CACNA1H: variants seen among roughly 807,000 people sequenced by gnomAD.
The protein encoded by CACNA1H is calcium voltage-gated channel subunit alpha1 H.
Under a neutral mutation model 192.5 loss-of-function variants are expected in CACNA1H, and 149 were observed. The observed-to-expected ratio is 0.77, with a 90% confidence interval of 0.68 to 0.89. The LOEUF is 0.89. Among genes scored for constraint, CACNA1H ranks in the 40% least tolerant of loss-of-function variants. The pLI is 0.00. For missense variants in CACNA1H, 4,257 were observed against 3,423.5 expected (o/e 1.24, Z -6.08); for synonymous variants, 2,202 against 1,475.2 (o/e 1.49, Z -11.29).
At position 1,207,383 on chromosome 16, in the gene CACNA1H, C is replaced by G. The variant is rs1242224134; in HGVS notation, c.3016C>G (p.Leu1006Val). The change falls in exon 14 of 35, where the codon CTC (leucine) becomes GTC (valine). Residue 1006 changes from leucine (L) to valine (V), a missense_variant. Leu to Val is a conservative substitution (Grantham distance 32, BLOSUM62 1). Transcript: ENST00000348261. The part of the protein sequence containing the change: ...VALMTFGNYV[L>V]FNLLVAILVE... Reference sequence around the variant, plus strand: ...CCTCATGACCTTCGGCAACTATGTGCTCTTCAACCTGCTGGTGGCCATCCT... The same window carrying G: ...CCTCATGACCTTCGGCAACTATGTGGTCTTCAACCTGCTGGTGGCCATCCT... 1 of 1,613,328 alleles carries G rather than the reference C, an allele frequency of 6.2e-7. No homozygotes were observed. The highest frequency in any genetic ancestry group is 1.1e-5 in the South Asian group (1 of 91,066).
intron 5 of CACNA1H, among the ~76,000 whole-genome samples, chr16:1,198,040 C>G (rs150206366): frequency 3.9e-5 from 6 of 152,170 alleles, no homozygotes; most frequent in Non-Finnish European, 1.5e-5. Context: ...GGGCTCTGTT[C>G]TGGCAGGATT....
At chr16:1,219,252 T>A (rs1459297929) in intron 34 of CACNA1H, 122 bp downstream of exon 34, 4 of 983,458 alleles carry the variant, frequency 4.1e-6, no homozygotes, top group Non-Finnish European at 5.8e-6. Context: ...CACTGGGTCC[T>A]TGGGGCTCCG....
At chr16:1,206,019 TG>T (rs1968662286) in intron 11 of CACNA1H, 84 bp from the exon 12 acceptor site, 3 of 1,348,324 alleles carry the variant, frequency 2.2e-6, no homozygotes, top group Admixed American at 4.6e-5. Context: ...TGTGGCTCCC[TG>T]GCTGGTGACC....
In CACNA1H at chr16:1,206,994, C is replaced by T. The variant is rs749171755; in HGVS notation, c.2790-7C>T. On this transcript the variant is annotated splice_region_variant and splice_polypyrimidine_tract_variant and intron_variant, in intron 12 of 34. Transcript: ENST00000348261. ...CACCCTCAACACGCCCCTGCCCCCA[C>T]CCTCAGCATCCTGGGCATGCACCTT... is the stretch of plus-strand genomic sequence containing the variant. The T allele has an allele frequency of 5.7e-6, 9 of 1,572,478 alleles. No individual in the cohort carries two copies. The Middle Eastern group carries it at 5.0e-4, about 87-fold the overall frequency.
chr16:1,206,884 A>G (rs1016945709), intron 12 of CACNA1H, 117 bp from the exon 13 acceptor site: 16 of 600,168 alleles, frequency 2.7e-5, no homozygotes, highest in Non-Finnish European at 1.8e-5. Flanking sequence ...AGGAGAGCCA[A>G]GACGGGCAGA....
At chr16:1,161,405 G>A (rs968531321) in intron 2 of CACNA1H, among the ~76,000 whole-genome samples, 2 of 152,198 alleles carry the variant, frequency 1.3e-5, no homozygotes, top group African/African-American at 4.8e-5. Flanking sequence ...CCCCCTGGCC[G>A]GAGGTGGTTG....
Position 1,209,602 on chromosome 16 carries a change from C to A in CACNA1H, c.3744+190C>A, listed in dbSNP as rs8050803. ...ATTCAGCCACAGATGATCCCAGAGT[C>A]CCCCCTCTGCCGTCTAGGGGCTGTG... On this transcript the variant is annotated intron_variant, in intron 17 of 34. Coordinates refer to ENST00000348261, the MANE Select transcript of CACNA1H (RefSeq NM_021098.3). 1,184 of 690,592 alleles carry A rather than the reference C, an allele frequency of 1.7e-3. 14 individuals are homozygous for A. In the African/African-American group the frequency reaches 0.02, roughly 11 times the overall value. 42.8% of individuals were successfully genotyped at this position (690,592 alleles called of 1,614,324 possible).
chr16:1,177,270 C>G (rs776694545), intron 2 of CACNA1H, among the ~76,000 whole-genome samples: 1 of 152,234 alleles, frequency 6.6e-6, no homozygotes, highest in Non-Finnish European at 1.5e-5. Context: ...CCGATCCCCT[C>G]CAGGGCCGGG....
At chr16:1,213,655 C>G (rs1293471405) in intron 26 of CACNA1H, 125 bp from the exon 27 acceptor site, 1 of 638,254 alleles carries the variant, frequency 1.6e-6, no homozygotes, top group Non-Finnish European at 2.6e-6. Flanking sequence ...GCCCCATCTT[C>G]ACATGAGCCG....
rs1185772497 is a variant in CACNA1H at position 1,180,148 on chromosome 16, C to G, written c.300-14824C>G. Among the ~76,000 whole-genome samples the G allele has an allele frequency of 2.0e-5, 3 of 151,956 alleles. No individual in the cohort carries two copies. The highest frequency in any genetic ancestry group is 7.3e-5 in the African/African-American group (3 of 41,360). On this transcript the variant is annotated intron_variant, in intron 2 of 34. Coordinates refer to ENST00000348261, the MANE Select transcript of CACNA1H (RefSeq NM_021098.3). The surrounding 1 kb of genome is among the most constrained non-coding windows in gnomAD (Gnocchi z 4.4). ...ATGGACGGCCAGCCCGTTGGGTGCC[C>G]TGGCTGGGTCCCTGTCCCTGCACAC...
At chr16:1,164,787 T>C (rs1963588700) in intron 2 of CACNA1H, among the ~76,000 whole-genome samples, 1 of 152,088 alleles carries the variant, frequency 6.6e-6, no homozygotes, top group East Asian at 1.9e-4. Flanking sequence ...CTGCCCTCAC[T>C]GGCCGGGCTC....
chr16:1,201,795 A>G lies in CACNA1H; in HGVS notation c.1345A>G (p.Ser449Gly). The G allele has an allele frequency of 6.3e-7, 1 of 1,594,532 alleles. No homozygotes were observed. The highest frequency in any genetic ancestry group is 8.5e-7 in the Non-Finnish European group (1 of 1,171,688). Residue 449 changes from serine to glycine, a missense_variant, in exon 9 of 35, where the codon AGC becomes GGC. By Grantham distance (56) the Ser-to-Gly change is moderately conservative. Transcript: ENST00000348261. ...CCTGTCCAACGACAGCACGCTGGCC[A>G]GCTTCTCCGAGCCTGGCAGCTGCTA... ...RHLSNDSTLA[S>G]FSEPGSCYEE...
chr16:1,216,037 A>G (rs1245501550), intron 30 of CACNA1H, among the ~76,000 whole-genome samples: 2 of 152,012 alleles, frequency 1.3e-5, no homozygotes, highest in Non-Finnish European at 2.9e-5. Context: ...TCTGTCCTCC[A>G]AGGCCAAGAG....
chr16:1,210,269 G>A (rs547195635), intron 18 of CACNA1H, 101 bp from the exon 19 acceptor site: 85 of 1,256,626 alleles, frequency 6.8e-5, no homozygotes, highest in South Asian at 6.5e-4. Context: ...CGCAGGGACC[G>A]GGGCTGAAGT....
chr16:1,198,950 C>A, intron 6 of CACNA1H, 176 bp downstream of exon 6: 1 of 627,394 alleles, frequency 1.6e-6, no homozygotes, highest in South Asian at 2.0e-5. Context: ...CCCCCACCCC[C>A]CATCATGGCT....
At position 1,181,161 on chromosome 16, in the gene CACNA1H, C is replaced by T. The variant is rs538676200; in HGVS notation, c.300-13811C>T. 1.5e-3 allele frequency among the ~76,000 whole-genome samples: 236 copies of T among 152,368 alleles called. 3 individuals are homozygous for T. The Middle Eastern group carries it at 0.024, about 15-fold the overall frequency. ...CAGGCGGCCGTCTTCCCCAAGGTCC[C>T]CTCCTGGCTGGGTTTCTGCTGCCCA... is the stretch of plus-strand genomic sequence containing the variant. On this transcript the variant is annotated intron_variant, in intron 2 of 34. Transcript: ENST00000348261.
rs1433457496 is a variant in CACNA1H, at chr16:1,217,001, G to T, written c.5314G>T (p.Gly1772Trp). ...TGCTGCGCTGGGAGTGGAGCTGTTC[G>T]GGAGGCTGGGTGAGTGGCTCCTGCG... ...IYAALGVELF[G>W]RLECSEDNPC... The change falls in exon 31 of 35, where the codon GGG (glycine) becomes TGG (tryptophan). Residue 1772 changes from glycine (G) to tryptophan (W), a missense_variant. Transcript: ENST00000348261. 1.3e-6 allele frequency: 2 copies of T among 1,593,164 alleles called. No homozygotes were observed. The highest frequency in any genetic ancestry group is 2.3e-5 in the East Asian group (1 of 43,992).
chr16:1,215,292 C>T lies in CACNA1H; in HGVS notation c.5090C>T (p.Thr1697Met), dbSNP rs556827361. The change falls in exon 29 of 35, where the codon ACG (threonine) becomes ATG (methionine). Residue 1697 changes from threonine to methionine, a missense_variant. Physicochemically the swap from Thr to Met is moderately conservative, Grantham distance 81. Transcript: ENST00000348261. ...GTGCTGCTGTCACTCATGGGCATCA[C>T]GCTGGAGGAGATAGAGATGAGCGCC... ...AIVLLSLMGI[T>M]LEEIEMSAAL... The T allele has an allele frequency of 1.9e-5, 31 of 1,609,384 alleles. No homozygotes were observed. Among genetic ancestry groups the T allele is most frequent in the South Asian group, 4.4e-5 (4 of 90,160 alleles).
chr16:1,186,868 C>G (rs1208027961), intron 2 of CACNA1H, among the ~76,000 whole-genome samples: 1 of 152,188 alleles, frequency 6.6e-6, no homozygotes, highest in East Asian at 1.9e-4. Flanking sequence ...CGGTCCGTCC[C>G]ACTCCCGTGG....
Sources: gnomAD v4.1 joint callset for allele counts (sites outside exome capture counted in the v4.1 genomes callset) on GRCh38, gnomAD v4.1.1 for gene constraint, Gnocchi (gnomAD v3.1) non-coding constraint, MANE v1.5 for transcripts, NCBI Gene and HGNC (gene_info 2026-07-23, HGNC 2026-07-21) for gene names.